The following KIR3DL3 variants were observed in gnomAD, a reference collection of about 807,000 sequenced individuals.
KIR3DL3 encodes killer cell immunoglobulin-like receptor 3DL3.
KIR3DL3 carries 27 observed loss-of-function variants against 34.9 expected under a neutral mutation model. The observed-to-expected ratio is 0.77, with a 90% CI of 0.57 to 1.07. The LOEUF (loss-of-function observed/expected upper bound fraction) is 1.07, where lower values mean the gene tolerates loss of function less well. KIR3DL3 is among the 50% of genes least tolerant of loss of function. The pLI, the probability that KIR3DL3 is intolerant of heterozygous loss-of-function variation, is 0.00. For missense variants in KIR3DL3, 681 were observed against 528.5 expected (o/e 1.29, Z -2.83); for synonymous variants, 217 against 200.2 (o/e 1.08, Z -0.71).
rs1408675674 is a variant in KIR3DL3, at chr19:54,724,522, C to T, written c.26C>T (p.Ala9Val). Reference protein sequence around the residue: MSLMVVSMACVGFFLLEGP... With the variant: MSLMVVSMVCVGFFLLEGP... ...ATGTCGCTCATGGTCGTCAGCATGG[C>T]GTGTGTTGGTGAGTCCTGGAAGGGA... Residue 9 changes from alanine to valine, a missense_variant, in exon 1 of 8, where the codon GCG becomes GTG. By Grantham distance (64) the Ala-to-Val change is moderately conservative. Coordinates refer to ENST00000291860, the MANE Select transcript of KIR3DL3 (RefSeq NM_153443.5). 3 of 1,612,552 alleles carry T rather than the reference C, an allele frequency of 1.9e-6. No individual in the cohort carries two copies. Among genetic ancestry groups the T allele is most frequent in the Non-Finnish European group, 2.5e-6 (3 of 1,179,802 alleles).
chr19:54,733,596 T>G (rs1464380745), intron 5 of KIR3DL3, among the ~76,000 whole-genome samples: 2 of 152,142 alleles, frequency 1.3e-5, no homozygotes, highest in East Asian at 3.8e-4. Flanking sequence ...AACCATCATT[T>G]TTCTATTTCT....
Position 54,726,203 on chromosome 19 carries a change from G to C in KIR3DL3, c.221G>C (p.Arg74Thr), listed in dbSNP as rs951393911. Residue 74 changes from arginine to threonine, a missense_variant, in exon 3 of 8, where the codon AGA becomes ACA. Physicochemically the swap from Arg to Thr is moderately conservative, Grantham distance 71 (BLOSUM62 -1). Coordinates refer to ENST00000291860, the MANE Select transcript of KIR3DL3 (RefSeq NM_153443.5). Reference protein sequence around the residue: ...DGMPVPELYNRIFRNSFLMGP... With the variant: ...DGMPVPELYNTIFRNSFLMGP... Reference sequence around the variant, plus strand: ...ATGCCTGTCCCTGAGCTCTACAACAGAATATTCCGGAACAGCTTTCTCATG... The same window carrying C: ...ATGCCTGTCCCTGAGCTCTACAACACAATATTCCGGAACAGCTTTCTCATG... 3.1e-6 allele frequency: 5 copies of C among 1,613,560 alleles called. No individual in the cohort carries two copies. The highest frequency in any genetic ancestry group is 2.7e-5 in the African/African-American group (2 of 74,732).
chr19:54,726,059 A>G lies in KIR3DL3; in HGVS notation c.77A>G (p.Gln26Arg), dbSNP rs1242522547. 3 of 1,607,860 alleles carry G rather than the reference A, an allele frequency of 1.9e-6. No homozygotes were observed. Among genetic ancestry groups the G allele is most frequent in the African/African-American group, 2.7e-5 (2 of 74,696 alleles). The change falls in exon 3 of 8, where the codon CAG becomes CGG. Residue 26 changes from glutamine (Q) to arginine (R), a missense_variant. Coordinates refer to ENST00000291860, the MANE Select transcript of KIR3DL3 (RefSeq NM_153443.5). ...GTGCCTCCTTCTCCCCCAGGTGGTC[A>G]GGACAAGCCCTTCCTCTCTGCCTGG... is the stretch of plus-strand genomic sequence containing the variant. ...LEGPWPHVGG[Q>R]DKPFLSAWPG...
chr19:54,730,173 T>C (rs2068649861), intron 5 of KIR3DL3, among the ~76,000 whole-genome samples: 1 of 152,036 alleles, frequency 6.6e-6, no homozygotes, highest in African/African-American at 2.4e-5. Context: ...CCTTTTCTTT[T>C]TGTTTGAAGA....
In KIR3DL3 at chr19:54,724,537, C is replaced by A. The variant is rs2067898537; in HGVS notation, c.34+7C>A. 17 of 1,609,800 alleles carry A rather than the reference C, an allele frequency of 1.1e-5. No individual in the cohort carries two copies. The highest frequency in any genetic ancestry group is 1.4e-5 in the Non-Finnish European group (17 of 1,178,948). On this transcript the variant is annotated splice_region_variant and intron_variant, in intron 1 of 7. Coordinates refer to ENST00000291860, the MANE Select transcript of KIR3DL3 (RefSeq NM_153443.5). ...GTCAGCATGGCGTGTGTTGGTGAGT[C>A]CTGGAAGGGAATCGAGGGAGGGAGC...
chr19:54,734,420 G>A lies in KIR3DL3; in HGVS notation c.950-833G>A, dbSNP rs547603938. Among the ~76,000 whole-genome samples the A allele has an allele frequency of 9.9e-5, 15 of 151,476 alleles. No individual in the cohort carries two copies. The South Asian group carries it at 3.2e-3, about 32-fold the overall frequency. On this transcript the variant is annotated intron_variant, in intron 5 of 7. Transcript: ENST00000291860. ...ATTTCAATGTGAGCCAGTCCCTCAA[G>A]GCTCAGAAAAGCTGCTCGAGACATG...
At chr19:54,735,155 A>T in intron 5 of KIR3DL3, 98 bp from the exon 6 acceptor site, 1 of 952,910 alleles carries the variant, frequency 1.0e-6, no homozygotes, top group Non-Finnish European at 1.7e-6. Context: ...TCCTAAAGAG[A>T]CGTTGTATGT....
At chr19:54,729,818 G>A in intron 5 of KIR3DL3, 32 bp downstream of exon 5, 1 of 1,581,792 alleles carries the variant, frequency 6.3e-7, no homozygotes, top group Non-Finnish European at 8.6e-7. Flanking sequence ...CCCATGTCTT[G>A]TGATCCTAGA....
At chr19:54,727,225 T>C (rs1185949140) in intron 3 of KIR3DL3, among the ~76,000 whole-genome samples, 1 of 117,580 alleles carries the variant, frequency 8.5e-6, no homozygotes, top group African/African-American at 3.1e-5. Context: ...ACTGATGAGT[T>C]CGTACCTCCT....
At chr19:54,725,204 G>A (rs2068035306) in intron 1 of KIR3DL3, 43 bp from the exon 2 acceptor site, 1 of 1,543,200 alleles carries the variant, frequency 6.5e-7, no homozygotes, top group Non-Finnish European at 8.8e-7. Flanking sequence ...TGGGCCTGGA[G>A]GTGATGTACA....
chr19:54,735,837 C>G lies in KIR3DL3; in HGVS notation c.1072C>G (p.Gln358Glu), dbSNP rs1207123561. 6.2e-7 allele frequency: 1 copy of G among 1,607,668 alleles called. No individual in the cohort carries two copies. The highest frequency in any genetic ancestry group is 8.5e-7 in the Non-Finnish European group (1 of 1,178,284). Residue 358 changes from glutamine (Q) to glutamate (E), a missense_variant, in exon 7 of 8, where the codon CAA becomes GAA. By Grantham distance (29) the Gln-to-Glu change is conservative (BLOSUM62 2). Coordinates refer to ENST00000291860, the MANE Select transcript of KIR3DL3 (RefSeq NM_153443.5). ...ANKKNAVVMD[Q>E]EPAGNRTVNR... is the part of the protein sequence containing the mutation. ...TTCTACAGATGCTGTTGTAATGGAC[C>G]AAGAGCCTGCAGGGAACAGAACAGT...
At chr19:54,732,126 G>A (rs1008609098) in intron 5 of KIR3DL3, among the ~76,000 whole-genome samples, 6 of 152,038 alleles carry the variant, frequency 3.9e-5, no homozygotes, top group African/African-American at 4.8e-5. Context: ...CTCTTGGGAC[G>A]CTGATATTGC....
rs1204646331 is a variant in KIR3DL3, at chr19:54,729,913, G to A, written c.949+127G>A. On this transcript the variant is annotated intron_variant, in intron 5 of 7. Transcript: ENST00000291860. ...GAACACACAGCATGGGTGTAAGGGC[G>A]GGGTCAGGGCGCAGGATGGCAGACA... The A allele has an allele frequency of 1.6e-5, 11 of 688,504 alleles. 1 individual carries two copies. Among genetic ancestry groups the A allele is most frequent in the East Asian group, 1.1e-4 (2 of 18,514 alleles). 42.6% of individuals were successfully genotyped at this position (688,504 alleles called of 1,614,324 possible). A position where few individuals can be genotyped will look rare whatever the true frequency, so the allele number is the denominator to read the frequency against.
intron 5 of KIR3DL3, among the ~76,000 whole-genome samples, chr19:54,732,804 A>G (rs112806977): frequency 0.078 from 11,845 of 152,198 alleles, 832 homozygotes; most frequent in African/African-American, 0.19. Flanking sequence ...AGACAACTGT[A>G]GAGAGATGGA....
intron 5 of KIR3DL3, among the ~76,000 whole-genome samples, chr19:54,730,279 C>T (rs1288519374): frequency 2.7e-5 from 4 of 149,844 alleles, no homozygotes; most frequent in African/African-American, 7.4e-5. Flanking sequence ...ATAGGCTGGG[C>T]ACGGTGGCTC....
chr19:54,733,521 T>C (rs2069068096), intron 5 of KIR3DL3, among the ~76,000 whole-genome samples: 2 of 150,354 alleles, frequency 1.3e-5, no homozygotes, highest in Non-Finnish European at 3.0e-5. Flanking sequence ...GGACTCTGTC[T>C]CAAAAAATAA....
intron 5 of KIR3DL3, among the ~76,000 whole-genome samples, chr19:54,730,960 C>T (rs1401921212): frequency 6.6e-6 from 1 of 152,240 alleles, no homozygotes; most frequent in Non-Finnish European, 1.5e-5. Context: ...CATGGAATTG[C>T]TAGATCCTCT....
intron 5 of KIR3DL3, among the ~76,000 whole-genome samples, chr19:54,732,176 G>T (rs1463853837): frequency 1.1e-4 from 16 of 152,168 alleles, no homozygotes; most frequent in African/African-American, 3.9e-4. Flanking sequence ...ATGCACAAGG[G>T]TACCAATAAA....
chr19:54,731,839 C>G (rs1327781762), intron 5 of KIR3DL3, among the ~76,000 whole-genome samples: 1 of 151,984 alleles, frequency 6.6e-6, no homozygotes, highest in Non-Finnish European at 1.5e-5. Flanking sequence ...ACCTTTTTCT[C>G]TGAATCCTGC....
Sources: allele counts gnomAD v4.1 joint callset (sites outside exome capture counted in the v4.1 genomes callset), GRCh38; gene constraint gnomAD v4.1.1; transcripts MANE v1.5; gene names NCBI Gene and HGNC (gene_info 2026-07-23, HGNC 2026-07-21).